The following SRP19 variants were observed in gnomAD, a reference collection of about 807,000 sequenced individuals.
SRP19 encodes signal recognition particle 19.
Under a neutral mutation model 22.4 loss-of-function variants are expected in SRP19, and 11 were observed. The observed-to-expected ratio is 0.49, with a 90% CI of 0.31 to 0.81. SRP19 has a LOEUF of 0.81. SRP19 is among the 40% of genes least tolerant of loss of function. The pLI is 0.05. For missense variants in SRP19, 168 were observed against 175.9 expected, an observed-to-expected ratio of 0.96 and a Z score of 0.25; for synonymous variants, 61 against 57.6, an observed-to-expected ratio of 1.06 and a Z score of -0.27.
chr5:112,892,462 G>T (rs1476584419), exon 5 of SRP19: 2 of 1,614,042 alleles, frequency 1.2e-6, no homozygotes, highest in Non-Finnish European at 1.7e-6. Context: ...GAGGGGCAAT[G>T]TATATGTTCA....
intron 4 of SRP19, among the ~76,000 whole-genome samples, chr5:112,883,268 G>T (rs1000987109): frequency 6.6e-6 from 1 of 152,094 alleles, no homozygotes; most frequent in African/African-American, 2.4e-5. Flanking sequence ...CAAATCCATT[G>T]CAATCAGGAG....
chr5:112,862,339 C>T (rs367716145), intron 1 of SRP19, 169 bp from the exon 2 acceptor site: 8 of 683,258 alleles, frequency 1.2e-5, no homozygotes, highest in Non-Finnish European at 1.8e-5. Context: ...GGGACCACTC[C>T]GAGGTACTTT....
chr5:112,866,878 A>G (rs17135070), intron 4 of SRP19, among the ~76,000 whole-genome samples: 7,892 of 152,254 alleles, frequency 0.052, 508 homozygotes, highest in East Asian at 0.16. Flanking sequence ...TAAGATAGTA[A>G]AAAGAAAGCA....
At chr5:112,876,745 C>T (rs867980915) in intron 4 of SRP19, 15 of 152,140 alleles carry the variant, frequency 9.9e-5, no homozygotes, top group African/African-American at 3.6e-4. Context: ...AACAGAACTG[C>T]TCAATTCTTA....
At chr5:112,870,243 T>C (rs1357622707), downstream of SRP19, among the ~76,000 whole-genome samples, 2 of 151,992 alleles carry the variant, frequency 1.3e-5, no homozygotes, top group Non-Finnish European at 2.9e-5. Flanking sequence ...TCGCGGCACA[T>C]TGGGAGGCTG....
chr5:112,881,128 C>CAA (rs58737941), intron 4 of SRP19, among the ~76,000 whole-genome samples: 24,737 of 67,046 alleles, frequency 0.37, 5,430 homozygotes, highest in African/African-American at 0.46. Flanking sequence ...GACTCTGTTT[C>CAA]AAAAAAAAAA....
chr5:112,881,598 C>G (rs975744382), intron 4 of SRP19, among the ~76,000 whole-genome samples: 2 of 152,078 alleles, frequency 1.3e-5, no homozygotes, highest in African/African-American at 4.8e-5. Context: ...ACAAATGGAT[C>G]TGGTAGGTGT....
At chr5:112,892,846 A>G (rs1768526996) in exon 5 of SRP19, 1 of 1,613,702 alleles carries the variant, frequency 6.2e-7, no homozygotes, top group Non-Finnish European at 8.5e-7. Context: ...ATCCGAGAGA[A>G]AAAAGAGTAG....
At position 112,862,701 on chromosome 5, in the gene SRP19, G is replaced by C. The variant is rs559723808; in HGVS notation, c.117+118G>C. The C allele has an allele frequency of 9.2e-6, 8 of 868,820 alleles. No individual in the cohort carries two copies. In the East Asian group the frequency reaches 1.6e-4, roughly 17 times the overall value. 53.8% of individuals were successfully genotyped at this position (868,820 alleles called of 1,614,324 possible). On this transcript the variant is annotated intron_variant, in intron 2 of 4. Transcript: ENST00000505459. ...TCTTCACTGCATTTATTTAGGGCTTGAGAACACAGCCAAGAATTGGGGTGC... is the reference window on the plus strand; with the variant it reads ...TCTTCACTGCATTTATTTAGGGCTTCAGAACACAGCCAAGAATTGGGGTGC...
chr5:112,894,159 G>A (rs141710878), downstream of SRP19: 3 of 142,608 alleles, frequency 2.1e-5, no homozygotes, highest in Admixed American at 2.2e-4. Flanking sequence ...GTCTTGCTCT[G>A]TTGCCAGGCG....
intron 4 of SRP19, chr5:112,887,110 C>T (rs755142860): frequency 2.7e-5 from 44 of 1,613,398 alleles, no homozygotes; most frequent in East Asian, 6.7e-5. Context: ...GAAGAAAGGA[C>T]GGATGATGCG....
chr5:112,887,860 A>AT (rs1768308162), intron 4 of SRP19, among the ~76,000 whole-genome samples: 2 of 152,150 alleles, frequency 1.3e-5, no homozygotes, highest in South Asian at 4.1e-4. Flanking sequence ...TGTCCAAAAA[A>AT]TTTTTACTGT....
In SRP19 at chr5:112,892,953, G is replaced by C. The variant is rs200527045; in HGVS notation, c.*1346G>C. ...GAAATAGGCACCGCAGCTGGGACCA[G>C]GGCCGCCGGAGCCAGAGCCGCAGGA... On this transcript the variant is annotated 3_prime_UTR_variant, in exon 5 of 5. Coordinates refer to the SRP19 transcript ENST00000391338. 108 of 1,596,852 alleles carry C rather than the reference G, an allele frequency of 6.8e-5. 1 individual carries two copies. The East Asian group carries it at 2.4e-3, about 36-fold the overall frequency.
rs184168227 is a variant in SRP19 at position 112,889,650 on chromosome 5, A to G, written c.302-1953A>G. 5.6e-3 allele frequency among the ~76,000 whole-genome samples: 845 copies of G among 150,508 alleles called. 17 individuals carry two copies. Among genetic ancestry groups the G allele is most frequent in the Middle Eastern group, 0.014 (4 of 294 alleles). On this transcript the variant is annotated intron_variant, in intron 4 of 4. Coordinates refer to the SRP19 transcript ENST00000391338. ...AAATGTAAGTCAGAATTATATAGACAAATGGACAAAATCTGCAATCATAGA... is the reference window on the plus strand; with the variant it reads ...AAATGTAAGTCAGAATTATATAGACGAATGGACAAAATCTGCAATCATAGA...
intron 4 of SRP19, among the ~76,000 whole-genome samples, chr5:112,865,655 G>C (rs1466659784): frequency 6.6e-6 from 1 of 150,850 alleles, no homozygotes; most frequent in South Asian, 2.1e-4. Flanking sequence ...GTACAGTGGC[G>C]CGATCTCAGC....
downstream of SRP19, among the ~76,000 whole-genome samples, chr5:112,870,445 C>T (rs148293441): frequency 3.6e-3 from 546 of 152,044 alleles, 4 homozygotes; most frequent in African/African-American, 0.013. Flanking sequence ...CATGCTATTC[C>T]ACTCACCTCA....
At chr5:112,891,729 G>A in exon 5 of SRP19, 5 of 1,614,112 alleles carry the variant, frequency 3.1e-6, no homozygotes, top group Non-Finnish European at 4.2e-6. Flanking sequence ...CCCTGAAGAA[G>A]GAGAAACGAA....
downstream of SRP19, among the ~76,000 whole-genome samples, chr5:112,871,378 G>A (rs922847673): frequency 6.6e-6 from 1 of 150,476 alleles, no homozygotes; most frequent in Non-Finnish European, 1.5e-5. Context: ...GCACAATCAC[G>A]GCTCAGTGCA....
intron 2 of SRP19, 55 bp downstream of exon 2, chr5:112,862,638 G>A (rs1339425057): frequency 5.3e-6 from 8 of 1,501,940 alleles, no homozygotes; most frequent in Non-Finnish European, 5.5e-6. Flanking sequence ...TGTCATCCTG[G>A]TCGGGCCACG....
Sources: allele counts gnomAD v4.1 joint callset (sites outside exome capture counted in the v4.1 genomes callset), GRCh38; gene constraint gnomAD v4.1.1; transcripts MANE v1.5; gene names NCBI Gene and HGNC (gene_info 2026-07-23, HGNC 2026-07-21).